The following PROCR variants were observed in gnomAD, a reference collection of about 807,000 sequenced individuals.
The protein encoded by PROCR is endothelial protein C receptor.
PROCR carries 22 observed loss-of-function variants against 24.2 expected under a neutral mutation model. The observed-to-expected ratio is 0.91, with a 90% confidence interval of 0.65 to 1.30. The LOEUF (loss-of-function observed/expected upper bound fraction) is 1.30, where lower values mean the gene tolerates loss of function less well. Ranked by LOEUF, PROCR falls within the 50% of genes most tolerant of loss-of-function variation. PROCR has a pLI of 0.00. For synonymous variants in PROCR, 137 were observed against 139.2 expected (o/e 0.98, Z 0.11); for missense variants, 288 against 307.7 (o/e 0.94, Z 0.48).
chr20:35,206,336 A>T (rs1009956102), intron 1 of PROCR, among the ~76,000 whole-genome samples: 4 of 151,890 alleles, frequency 2.6e-5, no homozygotes, highest in African/African-American at 9.7e-5. Context: ...TTAGCCAGGC[A>T]TGGTGGCAGG....
chr20:35,204,247 T>C (rs2060329198), intron 1 of PROCR, among the ~76,000 whole-genome samples: 1 of 152,094 alleles, frequency 6.6e-6, no homozygotes, highest in Non-Finnish European at 1.5e-5. Flanking sequence ...ATCAGAGAAA[T>C]AGTCCTAAAT....
chr20:35,177,947 G>A (rs1263743793), downstream of PROCR, among the ~76,000 whole-genome samples: 1 of 151,790 alleles, frequency 6.6e-6, no homozygotes. Flanking sequence ...CATCTTACAC[G>A]ATTCACCCTG....
chr20:35,185,223 A>G (rs997266521), intron 1 of PROCR, among the ~76,000 whole-genome samples: 2 of 152,150 alleles, frequency 1.3e-5, no homozygotes, highest in Admixed American at 6.5e-5. Context: ...ATAATCAAAT[A>G]ATAAAATAAT....
rs149979999 is a variant in PROCR, at chr20:35,189,469, T to C, written c.94+13023T>C. Among the ~76,000 whole-genome samples the C allele has an allele frequency of 7.8e-3, 1,192 of 152,272 alleles. 8 individuals are homozygous for C. Among genetic ancestry groups the C allele is most frequent in the Admixed American group, 0.013 (196 of 15,282 alleles). ...ATGACAATGCATGCACAGTGGGACA[T>C]GGAACTTCATTAATAATTCTAGTTT... On this transcript the variant is annotated intron_variant, in intron 1 of 1. Coordinates refer to the PROCR transcript ENST00000634509.
intron 1 of PROCR, among the ~76,000 whole-genome samples, chr20:35,215,186 C>T (rs113166258): frequency 6.6e-5 from 10 of 152,202 alleles, no homozygotes; most frequent in African/African-American, 1.4e-4. Context: ...GCTGGGATTA[C>T]GGGCGTGAGC....
chr20:35,214,058 G>C (rs1600759220), intron 1 of PROCR, among the ~76,000 whole-genome samples: 1 of 152,028 alleles, frequency 6.6e-6, no homozygotes, highest in East Asian at 1.9e-4. Flanking sequence ...CTGGGTAACA[G>C]AGCGTGACTC....
chr20:35,204,018 A>C (rs1314487021), intron 1 of PROCR, among the ~76,000 whole-genome samples: 1 of 152,196 alleles, frequency 6.6e-6, no homozygotes, highest in Non-Finnish European at 1.5e-5. Context: ...CAGAATTCAT[A>C]AACTTTTTGA....
intron 1 of PROCR, chr20:35,203,412 A>T (rs1454050486): frequency 6.6e-6 from 1 of 152,170 alleles, no homozygotes. Flanking sequence ...CATTTATTAG[A>T]CTATAATATA....
At position 35,177,295 on chromosome 20, in the gene PROCR, C is replaced by G; in HGVS notation, c.*482C>G. ...GAAGAAGTGGTGGAAATGTAAAATC[C>G]AAGTCATATGGCAGTGATCAATTAT... is the stretch of plus-strand genomic sequence containing the variant. On this transcript the variant is annotated 3_prime_UTR_variant, in exon 4 of 4. Coordinates refer to ENST00000216968, the MANE Select transcript of PROCR (RefSeq NM_006404.5). 5.0e-6 allele frequency: 5 copies of G among 1,002,280 alleles called. No individual in the cohort carries two copies. Among genetic ancestry groups the G allele is most frequent in the Non-Finnish European group, 6.0e-6 (5 of 838,840 alleles). The allele number at this position is 1,002,280 out of a possible 1,614,324, so 62.1% of individuals were successfully genotyped here. A position where few individuals can be genotyped will look rare whatever the true frequency, so the allele number is the denominator to read the frequency against.
At chr20:35,177,771 T>TA (rs2086035606), downstream of PROCR, among the ~76,000 whole-genome samples, 1 of 152,134 alleles carries the variant, frequency 6.6e-6, no homozygotes, top group South Asian at 2.1e-4. Context: ...GACTTCTCTA[T>TA]AAACTACTCT....
At chr20:35,186,347 T>A (rs954381668) in intron 1 of PROCR, among the ~76,000 whole-genome samples, 5 of 151,958 alleles carry the variant, frequency 3.3e-5, no homozygotes, top group Admixed American at 1.3e-4. Context: ...GGCGGGTGGA[T>A]CATGAGATCG....
At chr20:35,215,179 G>A (rs2060377424) in intron 1 of PROCR, among the ~76,000 whole-genome samples, 1 of 152,190 alleles carries the variant, frequency 6.6e-6, no homozygotes, top group Admixed American at 6.5e-5. Flanking sequence ...CAAAGGTGCT[G>A]GGATTACGGG....
In PROCR at chr20:35,208,814, A is replaced by G. The variant is rs191049772; in HGVS notation, c.95-7079A>G. Among the ~76,000 whole-genome samples the G allele has an allele frequency of 2.6e-5, 4 of 152,246 alleles. No individual in the cohort carries two copies. The East Asian group carries it at 7.7e-4, about 29-fold the overall frequency. ...ACATGGTGAAACCCCACCTCTAAAAATACTAAAATTAGCCGGGCATGGTGG... is the reference window on the plus strand; with the variant it reads ...ACATGGTGAAACCCCACCTCTAAAAGTACTAAAATTAGCCGGGCATGGTGG... On this transcript the variant is annotated intron_variant, in intron 1 of 1. Transcript: ENST00000634509.
chr20:35,172,116 C>A lies in PROCR; in HGVS notation c.-39C>A. 1 of 1,606,980 alleles carries A rather than the reference C, an allele frequency of 6.2e-7. No individual in the cohort carries two copies. The highest frequency in any genetic ancestry group is 8.5e-7 in the Non-Finnish European group (1 of 1,173,544). On this transcript the variant is annotated 5_prime_UTR_variant, in exon 1 of 4. Transcript: ENST00000216968. The stretch of plus-strand genomic sequence containing the variant: ...TGCAGCCAGCGGAGCCCGCAGCCGG[C>A]CCGAGCCAGGAACCCAGGTCCGGAG...
chr20:35,172,108 G>A lies in PROCR; in HGVS notation c.-47G>A. 2 of 1,594,070 alleles carry A rather than the reference G, an allele frequency of 1.3e-6. No individual in the cohort carries two copies. Among genetic ancestry groups the A allele is most frequent in the Non-Finnish European group, 1.7e-6 (2 of 1,162,024 alleles). On this transcript the variant is annotated 5_prime_UTR_variant, in exon 1 of 4. Transcript: ENST00000216968. ...CCCTAGACTGCAGCCAGCGGAGCCC[G>A]CAGCCGGCCCGAGCCAGGAACCCAG... is the stretch of plus-strand genomic sequence containing the variant.
chr20:35,214,244 A>G (rs1443343812), intron 1 of PROCR, among the ~76,000 whole-genome samples: 1 of 152,176 alleles, frequency 6.6e-6, no homozygotes, highest in Admixed American at 6.5e-5. Flanking sequence ...ATGCACACAC[A>G]TGTATTCTTT....
downstream of PROCR, among the ~76,000 whole-genome samples, chr20:35,178,507 GTTTTTTTTT>G (rs1203789471): frequency 5.8e-5 from 2 of 34,376 alleles, no homozygotes. Flanking sequence ...TCAAGTCTCA[GTTTTTTTTT>G]TTTTTTTTTT....
At chr20:35,205,776 T>TATATATATATATATAG (rs2060337770) in intron 1 of PROCR, among the ~76,000 whole-genome samples, 2 of 137,230 alleles carry the variant, frequency 1.5e-5, no homozygotes, top group African/African-American at 5.7e-5. Flanking sequence ...TATATATATA[T>TATATATATATATATAG]ATATATATAT....
At chr20:35,207,631 G>A (rs942492153) in intron 1 of PROCR, among the ~76,000 whole-genome samples, 1 of 152,080 alleles carries the variant, frequency 6.6e-6, no homozygotes, top group Non-Finnish European at 1.5e-5. Flanking sequence ...CCAAGTTCAA[G>A]TGATTCTCTG....
Sources: allele counts gnomAD v4.1 joint callset (sites outside exome capture counted in the v4.1 genomes callset), GRCh38; gene constraint gnomAD v4.1.1; transcripts MANE v1.5; gene names NCBI Gene and HGNC (gene_info 2026-07-23, HGNC 2026-07-21).